Variants in LAP3 observed in about 807,000 individuals in gnomAD.
LAP3 encodes cytosol aminopeptidase.
A neutral mutation model predicts 58.8 loss-of-function variants in LAP3; 46 were observed. The ratio of observed to expected loss-of-function variants is 0.78; its 90% CI spans 0.62 to 1.00. LAP3 has a LOEUF of 1.00. Ranked by LOEUF, LAP3 falls within the 50% of genes least tolerant of loss-of-function variation. The probability of loss-of-function intolerance (pLI) is 0.00; values close to 1 mark genes in which losing one functional copy is unlikely to be tolerated. For missense variants in LAP3, 615 were observed against 659.1 expected (o/e 0.93, Z 0.73); for synonymous variants, 257 against 237.7 (o/e 1.08, Z -0.75).
At chr4:17,578,138 A>T (rs1713259947) in intron 1 of LAP3, among the ~76,000 whole-genome samples, 1 of 152,232 alleles carries the variant, frequency 6.6e-6, no homozygotes, top group Admixed American at 6.5e-5. Flanking sequence ...CGCTCTTCAG[A>T]TGTGAAGGAT....
chr4:17,597,144 T>G lies in LAP3; in HGVS notation c.1077+10T>G. On this transcript the variant is annotated intron_variant, in intron 9 of 12. Transcript: ENST00000226299. Reference sequence around the variant, plus strand: ...CGGGAAGACCATCCAGGTTTGTAAATGTGAGACACAGCACTCCCCATCCAG... The same window carrying G: ...CGGGAAGACCATCCAGGTTTGTAAAGGTGAGACACAGCACTCCCCATCCAG... 6.2e-7 allele frequency: 1 copy of G among 1,610,684 alleles called. No individual in the cohort carries two copies. The highest frequency in any genetic ancestry group is 8.5e-7 in the Non-Finnish European group (1 of 1,176,852).
At chr4:17,587,944 ATT>A (rs796220201) in intron 6 of LAP3, among the ~76,000 whole-genome samples, 15 of 141,424 alleles carry the variant, frequency 1.1e-4, no homozygotes, top group African/African-American at 3.6e-4. Flanking sequence ...CTGTTGGTTG[ATT>A]TTTTTTTTTT....
chr4:17,592,355 G>T (rs10008445), intron 7 of LAP3, among the ~76,000 whole-genome samples: 94,201 of 150,194 alleles, frequency 0.63, 29,845 homozygotes, highest in East Asian at 0.88. Flanking sequence ...TTCTTTCAGC[G>T]TAGTATCTGG....
intron 6 of LAP3, among the ~76,000 whole-genome samples, chr4:17,587,084 C>T (rs988519019): frequency 3.9e-5 from 6 of 152,062 alleles, no homozygotes; most frequent in Non-Finnish European, 7.4e-5. Context: ...CCAGCCTGGG[C>T]GACAGAGAGA....
intron 10 of LAP3, among the ~76,000 whole-genome samples, chr4:17,603,482 A>AC (rs1714029040): frequency 6.7e-6 from 1 of 148,926 alleles, no homozygotes; most frequent in African/African-American, 2.5e-5. Flanking sequence ...ACATAATGAG[A>AC]CCCCATCTCT....
At chr4:17,593,776 C>T (rs1177427978) in intron 7 of LAP3, among the ~76,000 whole-genome samples, 2 of 151,776 alleles carry the variant, frequency 1.3e-5, no homozygotes, top group African/African-American at 2.4e-5. Context: ...CTATGCCCAG[C>T]TAATTTTTGT....
At chr4:17,583,136 C>T (rs1346336851) in intron 4 of LAP3, among the ~76,000 whole-genome samples, 1 of 152,100 alleles carries the variant, frequency 6.6e-6, no homozygotes, top group East Asian at 1.9e-4. Flanking sequence ...CATTTTTAAT[C>T]AGAGAAGCTC....
intron 10 of LAP3, among the ~76,000 whole-genome samples, chr4:17,599,266 C>T (rs193189974): frequency 5.3e-5 from 8 of 152,158 alleles, no homozygotes. Context: ...GAGCCAGGAG[C>T]GGTGGCTCAC....
rs116458278 is a variant in LAP3 at position 17,592,869 on chromosome 4, G to A, written c.864-2541G>A. On this transcript the variant is annotated intron_variant, in intron 7 of 12. Coordinates refer to ENST00000226299, the MANE Select transcript of LAP3 (RefSeq NM_015907.3). ...TGTCACCCAGGCTGGAGTGCACCTC[G>A]GCTCACTGCACCTCCGCCTTCTGGG... Among the ~76,000 whole-genome samples the A allele has an allele frequency of 1.5e-3, 234 of 152,250 alleles. 1 individual carries two copies. The highest frequency in any genetic ancestry group is 5.1e-3 in the African/African-American group (212 of 41,536).
intron 10 of LAP3, among the ~76,000 whole-genome samples, chr4:17,603,534 C>T (rs1398101850): frequency 6.7e-6 from 1 of 148,240 alleles, no homozygotes; most frequent in African/African-American, 2.5e-5. Context: ...GACAGAGTTT[C>T]GCTCTTGTTG....
intron 11 of LAP3, among the ~76,000 whole-genome samples, chr4:17,605,870 T>C (rs1714114009): frequency 1.3e-5 from 2 of 152,264 alleles, no homozygotes; most frequent in East Asian, 1.9e-4. Flanking sequence ...CACAGTCTGT[T>C]TTCCAGAAGG....
rs369858171 is a variant in LAP3, at chr4:17,582,287, G to A, written c.274-1G>A. 11 of 1,612,906 alleles carry A rather than the reference G, an allele frequency of 6.8e-6. No individual in the cohort carries two copies. The East Asian group carries it at 1.6e-4, about 23-fold the overall frequency. On this transcript the variant is annotated splice_acceptor_variant, in intron 3 of 12. Transcript: ENST00000226299. LOFTEE classifies it high-confidence loss of function. ...GTTGATTTGGTGTATCTGTGGGACAGGACTTCCCCAGCGTGGTGCTAGTTG... is the reference window on the plus strand; with the variant it reads ...GTTGATTTGGTGTATCTGTGGGACAAGACTTCCCCAGCGTGGTGCTAGTTG...
At position 17,583,595 on chromosome 4, in the gene LAP3, C is replaced by T; in HGVS notation, c.492C>T (p.Asp164=). Residue 164 remains aspartate, a synonymous_variant, in exon 5 of 13, where the codon GAC becomes GAT. Coordinates refer to ENST00000226299, the MANE Select transcript of LAP3 (RefSeq NM_015907.3). ...GAVLGLYEYD[D]LKQKKKMAVS... is the part of the protein sequence containing the mutation. Reference sequence around the variant, plus strand: ...TGCTTGGTCTCTATGAATACGATGACCTAAAGCAAAAAAAGAAGATGGCTG... The same window carrying T: ...TGCTTGGTCTCTATGAATACGATGATCTAAAGCAAAAAAAGAAGATGGCTG... The T allele has an allele frequency of 6.2e-7, 1 of 1,613,976 alleles. No homozygotes were observed. Among genetic ancestry groups the T allele is most frequent in the Non-Finnish European group, 8.5e-7 (1 of 1,180,006 alleles).
At chr4:17,592,832 G>A (rs1037137283) in intron 7 of LAP3, among the ~76,000 whole-genome samples, 3 of 151,890 alleles carry the variant, frequency 2.0e-5, no homozygotes, top group East Asian at 1.9e-4. Context: ...TTTTTGAGAC[G>A]GAGTCTCGCT....
In LAP3 at chr4:17,577,348, C is replaced by T. The variant is rs1713222733; in HGVS notation, c.-118C>T. 4.9e-6 allele frequency: 3 copies of T among 611,056 alleles called. No homozygotes were observed. The highest frequency in any genetic ancestry group is 5.0e-6 in the Non-Finnish European group (2 of 403,480). The allele number at this position is 611,056 out of a possible 1,614,324, so 37.9% of individuals were successfully genotyped here. A position where few individuals can be genotyped will look rare whatever the true frequency, so the allele number is the denominator to read the frequency against. On this transcript the variant is annotated 5_prime_UTR_variant, in exon 1 of 13. Coordinates refer to ENST00000226299, the MANE Select transcript of LAP3 (RefSeq NM_015907.3). The stretch of plus-strand genomic sequence containing the variant: ...CCTAGACGCACGTCCGCTCGCCCGG[C>T]GCCCGAGCCAGTCCGCGCGCACGCC...
intron 5 of LAP3, 146 bp downstream of exon 5, chr4:17,583,788 TGTG>T (rs1713429730): frequency 2.4e-6 from 2 of 832,126 alleles, no homozygotes; most frequent in Non-Finnish European, 3.8e-6. Flanking sequence ...ATTTTAATAA[TGTG>T]GTCAAAATTA....
intron 10 of LAP3, among the ~76,000 whole-genome samples, chr4:17,602,329 CAAATG>C (rs1714001016): frequency 6.6e-6 from 1 of 152,178 alleles, no homozygotes; most frequent in African/African-American, 2.4e-5. Flanking sequence ...AGGCAAATAA[CAAATG>C]AGATTACTAG....
rs1161797494 is a variant in LAP3, at chr4:17,585,079, C to T, written c.647C>T (p.Ala216Val). Residue 216 changes from alanine to valine, a missense_variant, in exon 6 of 13, where the codon GCT (alanine) becomes GTT (valine). Physicochemically the swap from Ala to Val is moderately conservative, Grantham distance 64. Coordinates refer to ENST00000226299, the MANE Select transcript of LAP3 (RefSeq NM_015907.3). ...PANEMTPTRFAEIIEKNLKSA... is the reference protein window; with the variant it reads ...PANEMTPTRFVEIIEKNLKSA... Reference sequence around the variant, plus strand: ...AATGAGATGACGCCAACCAGATTTGCTGAAATTATTGAGAAGAATCTCAAA... The same window carrying T: ...AATGAGATGACGCCAACCAGATTTGTTGAAATTATTGAGAAGAATCTCAAA... The T allele has an allele frequency of 1.2e-6, 2 of 1,613,838 alleles. No individual in the cohort carries two copies.
intron 7 of LAP3, among the ~76,000 whole-genome samples, chr4:17,592,432 A>G (rs1011333094): frequency 1.3e-5 from 2 of 152,206 alleles, no homozygotes; most frequent in African/African-American, 2.4e-5. Context: ...GTTCAATTGT[A>G]TGGAAATGCC....
Sources: gnomAD v4.1 joint callset for allele counts (sites outside exome capture counted in the v4.1 genomes callset) on GRCh38, gnomAD v4.1.1 for gene constraint, MANE v1.5 for transcripts, NCBI Gene and HGNC (gene_info 2026-07-23, HGNC 2026-07-21) for gene names.